Variants in TENM3 observed in about 807,000 individuals in gnomAD.
The protein encoded by TENM3 is teneurin-3.
TENM3 carries 63 observed loss-of-function variants against 255.1 expected under a neutral mutation model. The observed-to-expected ratio is 0.25, with a 90% CI of 0.20 to 0.30. TENM3 has a LOEUF of 0.30. TENM3 is among the 10% of genes least tolerant of loss of function. TENM3 has a pLI of 1.00. For synonymous variants in TENM3, 1,306 were observed against 1,322.3 expected (o/e 0.99, Z 0.27); for missense variants, 2,929 against 3,461.1 (o/e 0.85, Z 3.86).
chr4:182,694,491 A>T (rs1027455510), intron 12 of TENM3, among the ~76,000 whole-genome samples: 1 of 152,214 alleles, frequency 6.6e-6, no homozygotes, highest in African/African-American at 2.4e-5. Flanking sequence ...TAATGTCTCA[A>T]ACACAGAGTT....
the TENM3 span, among the ~76,000 whole-genome samples, chr4:181,736,226 A>C: frequency 2.0e-5 from 3 of 152,192 alleles, no homozygotes; most frequent in African/African-American, 7.2e-5. Context: ...TGTACCTGGG[A>C]AGCAGAGATT....
chr4:182,475,520 G>A (rs1733600106), intron 3 of TENM3, among the ~76,000 whole-genome samples: 1 of 151,968 alleles, frequency 6.6e-6, no homozygotes, highest in South Asian at 2.1e-4. Flanking sequence ...GTTTTTATAT[G>A]CCTAATAATG....
chr4:181,755,456 A>G, the TENM3 span, among the ~76,000 whole-genome samples: 1 of 152,114 alleles, frequency 6.6e-6, no homozygotes, highest in Non-Finnish European at 1.5e-5. Context: ...TGGATAAACT[A>G]AGAAGTTTGT....
chr4:182,743,384 C>T lies in TENM3; in HGVS notation c.3594C>T (p.Phe1198=), dbSNP rs1761752822. 6.2e-7 allele frequency: 1 copy of T among 1,613,738 alleles called. No individual in the cohort carries two copies. The highest frequency in any genetic ancestry group is 1.3e-5 in the African/African-American group (1 of 74,912). ...ATTTCAACTATGTGCGGCGGATATT[C>T]CCTTCTGGAAATGTAACAAGTGTCT... The part of the protein sequence containing the change: ...VGDFNYVRRI[F]PSGNVTSVLE... Residue 1198 remains phenylalanine (F), a synonymous_variant, in exon 19 of 28, where the codon TTC becomes TTT. Transcript: ENST00000511685.
chr4:182,100,778 TATATACAC>T, the TENM3 span, among the ~76,000 whole-genome samples: 8 of 17,954 alleles, frequency 4.5e-4, 2 homozygotes, highest in South Asian at 3.0e-3. Context: ...TATACACATA[TATATACAC>T]ATATATATAC....
At chr4:182,162,109 C>T (rs2076193650) in intron 1 of TENM3, among the ~76,000 whole-genome samples, 1 of 151,466 alleles carries the variant, frequency 6.6e-6, no homozygotes, top group South Asian at 2.1e-4. Flanking sequence ...TCCTCAAACT[C>T]ATGGGCTCAA....
At chr4:182,439,897 G>A (rs1772330423) in intron 3 of TENM3, among the ~76,000 whole-genome samples, 1 of 151,938 alleles carries the variant, frequency 6.6e-6, no homozygotes, top group Non-Finnish European at 1.5e-5. Context: ...CTTCCCAGAC[G>A]GTGCCTTCTG....
chr4:181,928,144 C>G, the TENM3 span, among the ~76,000 whole-genome samples: 1 of 152,060 alleles, frequency 6.6e-6, no homozygotes, highest in African/African-American at 2.4e-5. Context: ...CACAACTCCT[C>G]GCCAGCAAGG....
intron 11 of TENM3, among the ~76,000 whole-genome samples, chr4:182,685,917 T>A (rs986197982): frequency 1.3e-5 from 2 of 152,096 alleles, no homozygotes; most frequent in African/African-American, 4.8e-5. Context: ...AAAATGATAC[T>A]GCTATGAATT....
the TENM3 span, among the ~76,000 whole-genome samples, chr4:181,729,483 AC>A: frequency 6.6e-6 from 1 of 152,064 alleles, no homozygotes; most frequent in East Asian, 1.9e-4. Flanking sequence ...CTTTAGAGGA[AC>A]CGGAAAGGCA....
the TENM3 span, among the ~76,000 whole-genome samples, chr4:181,703,982 C>T: frequency 3.4e-4 from 52 of 152,166 alleles, no homozygotes; most frequent in African/African-American, 1.2e-3. Flanking sequence ...TGTCCAGGAA[C>T]GGAATGACAC....
chr4:182,454,951 A>G (rs1773749905), intron 3 of TENM3, among the ~76,000 whole-genome samples: 3 of 152,244 alleles, frequency 2.0e-5, no homozygotes, highest in African/African-American at 7.2e-5. Flanking sequence ...GCTTCACTTT[A>G]TACTGAATTC....
intron 3 of TENM3, among the ~76,000 whole-genome samples, chr4:182,456,506 A>G (rs1223654818): frequency 6.6e-6 from 1 of 152,200 alleles, no homozygotes; most frequent in Non-Finnish European, 1.5e-5. Flanking sequence ...TAATTTCCAC[A>G]ATGAAAAGAA....
chr4:181,979,540 A>G, the TENM3 span, among the ~76,000 whole-genome samples: 2 of 152,212 alleles, frequency 1.3e-5, no homozygotes, highest in African/African-American at 4.8e-5. Flanking sequence ...CCTTGATTCC[A>G]GCTACCCAGG....
At chr4:182,417,820 T>C (rs1037720381) in intron 3 of TENM3, among the ~76,000 whole-genome samples, 9 of 152,232 alleles carry the variant, frequency 5.9e-5, no homozygotes, top group South Asian at 2.1e-4. Flanking sequence ...CATTTTGCTA[T>C]TTTCTTTGTT....
chr4:181,912,116 A>G, the TENM3 span, among the ~76,000 whole-genome samples: 1 of 152,216 alleles, frequency 6.6e-6, no homozygotes, highest in South Asian at 2.1e-4. Flanking sequence ...AAGCTATTTA[A>G]GCTATTGTGA....
intron 12 of TENM3, among the ~76,000 whole-genome samples, chr4:182,710,292 A>G (rs1177549243): frequency 1.3e-5 from 2 of 152,210 alleles, no homozygotes; most frequent in Admixed American, 6.5e-5. Context: ...ACAGGGTTCT[A>G]CTAGTTTATA....
chr4:182,202,398 C>T (rs1025646689), intron 1 of TENM3, among the ~76,000 whole-genome samples: 25 of 151,458 alleles, frequency 1.7e-4, no homozygotes, highest in African/African-American at 4.1e-4. Context: ...CTCTGCCTCC[C>T]GGGTTCAAGT....
rs182946886 is a variant in TENM3 at position 182,679,762 on chromosome 4, G to A, written c.1423G>A (p.Val475Ile). The A allele has an allele frequency of 3.2e-4, 520 of 1,613,954 alleles. No individual in the cohort carries two copies. The highest frequency in any genetic ancestry group is 6.7e-4 in the Admixed American group (40 of 60,028). The change falls in exon 8 of 28, where the codon GTC becomes ATC. Residue 475 changes from valine to isoleucine, a missense_variant. Coordinates refer to ENST00000511685, the MANE Select transcript of TENM3 (RefSeq NM_001080477.4). ...GAGAGCCGGGCGGCAGGCGAGATCC[G>A]TCAGCCTTCATGAGGCCGGCTTTAT... ...TERAGRQARS[V>I]SLHEAGFIQY... is the part of the protein sequence containing the mutation.
Sources: allele counts gnomAD v4.1 joint callset (sites outside exome capture counted in the v4.1 genomes callset), GRCh38; gene constraint gnomAD v4.1.1; transcripts MANE v1.5; gene names NCBI Gene and HGNC (gene_info 2026-07-23, HGNC 2026-07-21).